The following DCTN4 variants were observed in gnomAD, a reference collection of about 807,000 sequenced individuals.
The protein encoded by DCTN4 is dynactin subunit 4.
Under a neutral mutation model 62.7 loss-of-function variants are expected in DCTN4, and 23 were observed. That is an observed-to-expected ratio of 0.37 (90% CI 0.26 to 0.52). The LOEUF (loss-of-function observed/expected upper bound fraction) is 0.52. Among genes scored for constraint, DCTN4 ranks in the 20% least tolerant of loss-of-function variants. DCTN4 has a pLI of 0.92. For missense variants in DCTN4, 514 were observed against 580.4 expected, an observed-to-expected ratio of 0.89 and a Z score of 1.18; for synonymous variants, 199 against 202.1, an observed-to-expected ratio of 0.98 and a Z score of 0.13.
intron 3 of DCTN4, among the ~76,000 whole-genome samples, chr5:150,749,453 G>C (rs1465351987): frequency 1.3e-5 from 2 of 152,208 alleles, no homozygotes; most frequent in Non-Finnish European, 1.5e-5. Context: ...TATGGCAAGG[G>C]TTGTCAAGGG....
intron 3 of DCTN4, among the ~76,000 whole-genome samples, chr5:150,745,433 AACCAGACCTTATAGAC>A (rs1345173691): frequency 6.6e-6 from 1 of 152,110 alleles, no homozygotes; most frequent in South Asian, 2.1e-4. Context: ...GCTCTGCACC[AACCAGACCTTATAGAC>A]ATCTACAGAA....
At position 150,710,288 on chromosome 5, in the gene DCTN4, A is replaced by T. The variant is rs1171589350; in HGVS notation, c.*861T>A. The T allele has an allele frequency of 2.0e-5, 3 of 152,350 alleles. No individual in the cohort carries two copies. The highest frequency in any genetic ancestry group is 6.5e-5 in the Admixed American group (1 of 15,286). 9.4% of individuals were successfully genotyped at this position (152,350 alleles called of 1,614,324 possible). A position where few individuals can be genotyped will look rare whatever the true frequency, so the allele number is the denominator to read the frequency against. On this transcript the variant is annotated 3_prime_UTR_variant, in exon 13 of 13. Transcript: ENST00000447998. The stretch of plus-strand genomic sequence containing the variant: ...TTCTTTTCCAGGTCCCAAACAGAAC[A>T]ACTTAACTGAGTTAAAGAGGCAGAA...
chr5:150,752,670 G>A (rs1027432289), intron 3 of DCTN4, among the ~76,000 whole-genome samples: 1 of 152,092 alleles, frequency 6.6e-6, no homozygotes, highest in Non-Finnish European at 1.5e-5. Flanking sequence ...GACTACTAGG[G>A]AAGTCGAATA....
chr5:150,730,977 G>C, intron 7 of DCTN4, 67 bp downstream of exon 7: 1 of 1,002,870 alleles, frequency 1.0e-6, no homozygotes, highest in South Asian at 1.4e-5. Flanking sequence ...AAATCACTAG[G>C]TACATAAATA....
intron 3 of DCTN4, among the ~76,000 whole-genome samples, chr5:150,751,002 T>C (rs1178202447): frequency 6.6e-6 from 1 of 152,212 alleles, no homozygotes; most frequent in Non-Finnish European, 1.5e-5. Flanking sequence ...AATATTATTT[T>C]AGAAGTTGCC....
intron 3 of DCTN4, among the ~76,000 whole-genome samples, chr5:150,752,193 TAAATC>T (rs1250689872): frequency 6.6e-6 from 1 of 152,140 alleles, no homozygotes; most frequent in Admixed American, 6.5e-5. Flanking sequence ...TTGGATCACT[TAAATC>T]AAAAGCAACT....
chr5:150,735,264 G>A (rs1760534454), intron 4 of DCTN4, among the ~76,000 whole-genome samples: 1 of 152,192 alleles, frequency 6.6e-6, no homozygotes, highest in Admixed American at 6.5e-5. Context: ...CTCAAAAGGA[G>A]AAAACAACAG....
chr5:150,713,440 CTTTTCTTTTTTTTTTTTTTTT>C (rs1164722542), intron 12 of DCTN4, among the ~76,000 whole-genome samples: 70 of 148,190 alleles, frequency 4.7e-4, no homozygotes, highest in African/African-American at 1.7e-3. Context: ...TTTTTCTTTT[CTTTTCTTTTTTTTTTTTTTTT>C]GAGACGGAGT....
intron 9 of DCTN4, among the ~76,000 whole-genome samples, chr5:150,722,221 A>G (rs535110179): frequency 1.3e-5 from 2 of 152,344 alleles, no homozygotes; most frequent in Admixed American, 6.5e-5. Flanking sequence ...TTGCTAAAGA[A>G]GGGCTCTCTT....
In DCTN4 at chr5:150,726,819, C is replaced by G. The variant is rs915868813; in HGVS notation, c.834+3812G>C. Among the ~76,000 whole-genome samples, 12 of 152,144 alleles carry G rather than the reference C, an allele frequency of 7.9e-5. 1 individual carries two copies. The highest frequency in any genetic ancestry group is 1.3e-4 in the Admixed American group (2 of 15,282). ...AGCACTCTAAACTTAAGCAGAAGAA[C>G]AGCTGTTCACATCTTACAAATGCCA... On this transcript the variant is annotated intron_variant, in intron 8 of 12. Transcript: ENST00000447998.
At position 150,710,946 on chromosome 5, in the gene DCTN4, T is replaced by C. The variant is rs1759537172; in HGVS notation, c.*203A>G. 2 of 581,432 alleles carry C rather than the reference T, an allele frequency of 3.4e-6. No homozygotes were observed. Among genetic ancestry groups the C allele is most frequent in the Non-Finnish European group, 6.1e-6 (2 of 325,604 alleles). The allele number at this position is 581,432 out of a possible 1,614,324, so 36.0% of individuals were successfully genotyped here. A position where few individuals can be genotyped will look rare whatever the true frequency, so the allele number is the denominator to read the frequency against. ...AGTGAGGGAGACACAGACTTACTGG[T>C]GTCAACAGGGGTGAGAGCAAGAGCA... On this transcript the variant is annotated 3_prime_UTR_variant, in exon 13 of 13. Coordinates refer to ENST00000447998, the MANE Select transcript of DCTN4 (RefSeq NM_016221.4).
chr5:150,746,356 C>T (rs1029717401), intron 3 of DCTN4, among the ~76,000 whole-genome samples: 3 of 152,098 alleles, frequency 2.0e-5, no homozygotes, highest in Non-Finnish European at 2.9e-5. Flanking sequence ...TTCTACCAGA[C>T]GTACAAGGAG....
At chr5:150,752,014 A>G (rs920532563) in intron 3 of DCTN4, among the ~76,000 whole-genome samples, 7 of 152,190 alleles carry the variant, frequency 4.6e-5, no homozygotes, top group Non-Finnish European at 1.0e-4. Context: ...TTATTAGTCA[A>G]TAAGCTGTAC....
At chr5:150,756,939 G>A (rs765175686) in intron 1 of DCTN4, among the ~76,000 whole-genome samples, 10 of 152,294 alleles carry the variant, frequency 6.6e-5, no homozygotes, top group Non-Finnish European at 1.2e-4. Flanking sequence ...AATACAGGTT[G>A]ACTGAAGGCA....
Position 150,715,594 on chromosome 5 carries a change from T to C in DCTN4, c.1140A>G (p.Ala380=). Residue 380 remains alanine, a synonymous_variant, in exon 12 of 13, where the codon GCA becomes GCG. Transcript: ENST00000447998. The part of the protein sequence containing the change: ...KDAAAEYDEL[A]EPQDFQDDPD... ...GATCGTCCTGAAAGTCTTGAGGTTC[T>C]GCCAACTCATCGTACTCTGCTGCTG... The C allele has an allele frequency of 6.2e-7, 1 of 1,614,212 alleles. No individual in the cohort carries two copies. The highest frequency in any genetic ancestry group is 2.2e-5 in the East Asian group (1 of 44,884).
At chr5:150,728,987 C>T (rs1760254947) in intron 8 of DCTN4, among the ~76,000 whole-genome samples, 1 of 149,110 alleles carries the variant, frequency 6.7e-6, no homozygotes, top group South Asian at 2.1e-4. Context: ...AAGCAATTCT[C>T]CTGCCTCAGC....
chr5:150,720,149 A>T lies in DCTN4; in HGVS notation c.909-379T>A, dbSNP rs1426324796. On this transcript the variant is annotated intron_variant, in intron 9 of 12. Coordinates refer to ENST00000447998, the MANE Select transcript of DCTN4 (RefSeq NM_016221.4). ...GAGGTTATTGTGAAGAATACATGCAAGAATGCTTTGAAAAGTGCTTGGAAC... is the reference window on the plus strand; with the variant it reads ...GAGGTTATTGTGAAGAATACATGCATGAATGCTTTGAAAAGTGCTTGGAAC... Among the ~76,000 whole-genome samples, 11 of 152,360 alleles carry T rather than the reference A, an allele frequency of 7.2e-5. No individual in the cohort carries two copies. The East Asian group carries it at 1.2e-3, about 16-fold the overall frequency.
At chr5:150,754,993 C>T (rs549076285) in intron 2 of DCTN4, among the ~76,000 whole-genome samples, 3 of 151,548 alleles carry the variant, frequency 2.0e-5, no homozygotes, top group Non-Finnish European at 4.4e-5. Context: ...AAAACATACA[C>T]ACAAGATGAG....
chr5:150,711,434 A>C, intron 12 of DCTN4, 72 bp from the exon 13 acceptor site: 1 of 1,197,588 alleles, frequency 8.4e-7, no homozygotes, highest in South Asian at 1.3e-5. Context: ...TTACAGTAAA[A>C]GTCTTTCACC....
Sources: gnomAD v4.1 joint callset for allele counts (sites outside exome capture counted in the v4.1 genomes callset) on GRCh38, gnomAD v4.1.1 for gene constraint, MANE v1.5 for transcripts, NCBI Gene and HGNC (gene_info 2026-07-23, HGNC 2026-07-21) for gene names.